ERICH1: variants seen among roughly 807,000 people sequenced by gnomAD.
ERICH1 encodes the protein glutamate rich 1.
In ERICH1, 56 loss-of-function variants were observed where a neutral mutation model predicts 39.6. That is an observed-to-expected ratio of 1.41 (90% CI 1.14 to 1.77). The LOEUF (loss-of-function observed/expected upper bound fraction) is 1.77, where lower values mean the gene tolerates loss of function less well. ERICH1 is among the 40% of genes most tolerant of loss of function. The pLI, the probability that ERICH1 is intolerant of heterozygous loss-of-function variation, is 0.00. For missense variants in ERICH1, 826 were observed against 575.4 expected (o/e 1.44, Z -4.45); for synonymous variants, 313 against 223.6 (o/e 1.40, Z -3.57).
At position 677,880 on chromosome 8, in the gene ERICH1, T is replaced by C. The variant is rs112636405; in HGVS notation, c.305-3833A>G. ...GAATGCTGCTCATCACCCCCCAGGC[T>C]CCTCCCGGCACGTCCTTCTCTGCCA... On this transcript the variant is annotated intron_variant, in intron 3 of 5. Coordinates refer to ENST00000262109, the MANE Select transcript of ERICH1 (RefSeq NM_207332.3). 8.7e-3 allele frequency among the ~76,000 whole-genome samples: 1,322 copies of C among 152,066 alleles called. 18 individuals are homozygous for C. Among genetic ancestry groups the C allele is most frequent in the African/African-American group, 0.03 (1,256 of 41,478 alleles).
intron 3 of ERICH1, among the ~76,000 whole-genome samples, chr8:622,850 C>T (rs987984654): frequency 6.6e-6 from 1 of 151,626 alleles, no homozygotes; most frequent in African/African-American, 2.4e-5. Context: ...CCCAGCAGCT[C>T]AGGATGCTGA....
intron 3 of ERICH1, among the ~76,000 whole-genome samples, chr8:638,181 G>T (rs1278356939): frequency 6.6e-6 from 1 of 152,262 alleles, no homozygotes; most frequent in Non-Finnish European, 1.5e-5. Context: ...CACGTGTGGG[G>T]CGCCTGGCCC....
chr8:632,486 T>C (rs1798105047), intron 3 of ERICH1, among the ~76,000 whole-genome samples: 1 of 152,258 alleles, frequency 6.6e-6, no homozygotes, highest in African/African-American at 2.4e-5. Context: ...ATGTTTTTTA[T>C]TTCTCATCTT....
chr8:686,589 A>G (rs1247447763), intron 3 of ERICH1: 1 of 152,296 alleles, frequency 6.6e-6, no homozygotes, highest in Non-Finnish European at 1.5e-5. Context: ...AAGTCCGGGA[A>G]GAATCCAGGA....
intron 3 of ERICH1, among the ~76,000 whole-genome samples, chr8:633,749 C>CT (rs1798199684): frequency 6.6e-6 from 1 of 152,228 alleles, no homozygotes; most frequent in African/African-American, 2.4e-5. Flanking sequence ...GTCGAATGGG[C>CT]TTTGGCACAG....
chr8:726,787 A>G (rs541810481), intron 1 of ERICH1, among the ~76,000 whole-genome samples: 23 of 152,106 alleles, frequency 1.5e-4, no homozygotes, highest in Non-Finnish European at 2.8e-4. Flanking sequence ...ATACACACAT[A>G]CATGAACATG....
At chr8:633,599 G>A (rs76365474) in intron 3 of ERICH1, among the ~76,000 whole-genome samples, 2,046 of 152,294 alleles carry the variant, frequency 0.013, 37 homozygotes, top group African/African-American at 0.046. Flanking sequence ...TAAAAAGAAC[G>A]AAGCTGGAGA....
intron 1 of ERICH1, among the ~76,000 whole-genome samples, chr8:726,739 T>C (rs1014001524): frequency 1.4e-5 from 2 of 146,916 alleles, no homozygotes; most frequent in African/African-American, 2.6e-5. Flanking sequence ...CAAACAGATA[T>C]GCATGTACAC....
intron 3 of ERICH1, among the ~76,000 whole-genome samples, chr8:685,130 CA>C (rs1374397099): frequency 6.6e-6 from 1 of 152,228 alleles, no homozygotes; most frequent in Non-Finnish European, 1.5e-5. Context: ...ATAAGGCAGA[CA>C]CCCCCAGAGC....
At chr8:717,503 A>G (rs968602410) in intron 1 of ERICH1, among the ~76,000 whole-genome samples, 1 of 152,210 alleles carries the variant, frequency 6.6e-6, no homozygotes, top group Non-Finnish European at 1.5e-5. Flanking sequence ...TCAGATAAAA[A>G]TCCAATGGTC....
intron 3 of ERICH1, among the ~76,000 whole-genome samples, chr8:677,992 G>C (rs1250821188): frequency 5.3e-5 from 8 of 152,114 alleles, no homozygotes; most frequent in African/African-American, 1.9e-4. Context: ...TGGTTGCCCT[G>C]TTGAGATCGA....
intron 3 of ERICH1, among the ~76,000 whole-genome samples, chr8:686,465 A>C (rs1563260039): frequency 6.6e-6 from 1 of 151,590 alleles, no homozygotes; most frequent in African/African-American, 2.4e-5. Flanking sequence ...AAAAAAAAAA[A>C]CAAAAACAAA....
At chr8:663,271 G>C (rs1228652223), downstream of ERICH1, among the ~76,000 whole-genome samples, 1 of 152,176 alleles carries the variant, frequency 6.6e-6, no homozygotes. Flanking sequence ...CTGCCCATCT[G>C]AGCATCAGCT....
chr8:729,891 C>T (rs1819604361), intron 1 of ERICH1, among the ~76,000 whole-genome samples: 1 of 151,836 alleles, frequency 6.6e-6, no homozygotes, highest in South Asian at 2.1e-4. Context: ...TTATTCCAGG[C>T]TTAGAAGAGT....
At chr8:704,436 G>A (rs934625124) in intron 2 of ERICH1, among the ~76,000 whole-genome samples, 8 of 152,116 alleles carry the variant, frequency 5.3e-5, no homozygotes, top group Non-Finnish European at 1.2e-4. Flanking sequence ...AGGGAGGTGA[G>A]GGGAGAAATT....
chr8:664,954 C>G (rs1801964029), intron 5 of ERICH1, among the ~76,000 whole-genome samples: 1 of 152,144 alleles, frequency 6.6e-6, no homozygotes, highest in South Asian at 2.1e-4. Flanking sequence ...ACCTTAACTT[C>G]AAAACATCAC....
intron 3 of ERICH1, among the ~76,000 whole-genome samples, chr8:687,794 G>A (rs1037519559): frequency 2.0e-5 from 3 of 152,146 alleles, no homozygotes; most frequent in Non-Finnish European, 4.4e-5. Flanking sequence ...GGTGGAATAC[G>A]GGGCAGCCAC....
downstream of ERICH1, among the ~76,000 whole-genome samples, chr8:660,089 A>C (rs1454468196): frequency 6.6e-6 from 1 of 152,010 alleles, no homozygotes; most frequent in African/African-American, 2.4e-5. Context: ...GGTGGGGCTG[A>C]GCTCCCGAAG....
intron 2 of ERICH1, among the ~76,000 whole-genome samples, chr8:703,135 A>G (rs541542130): frequency 5.4e-4 from 82 of 152,212 alleles, no homozygotes; most frequent in Non-Finnish European, 1.1e-3. Context: ...TGTAACCAGG[A>G]GCATTCGGGG....
Sources: allele counts gnomAD v4.1 joint callset (sites outside exome capture counted in the v4.1 genomes callset), GRCh38; gene constraint gnomAD v4.1.1; transcripts MANE v1.5; gene names NCBI Gene and HGNC (gene_info 2026-07-23, HGNC 2026-07-21).